Variants in STK10 observed in about 807,000 individuals in gnomAD.
STK10 encodes the protein serine/threonine kinase 10.
STK10 carries 78 observed loss-of-function variants against 113.8 expected under a neutral mutation model. The observed-to-expected ratio is 0.69, with a 90% CI of 0.57 to 0.83. The LOEUF is 0.83. Ranked by LOEUF, STK10 falls within the 40% of genes least tolerant of loss-of-function variation. The pLI is 0.00. For synonymous variants in STK10, 465 were observed against 494.7 expected, an observed-to-expected ratio of 0.94 and a Z score of 0.80; for missense variants, 1,109 against 1,280.1, an observed-to-expected ratio of 0.87 and a Z score of 2.04.
chr5:172,049,515 A>G (rs1197345179), intron 18 of STK10, among the ~76,000 whole-genome samples: 3 of 152,120 alleles, frequency 2.0e-5, no homozygotes, highest in Non-Finnish European at 4.4e-5. Context: ...AAATCTGCTC[A>G]GAGCACAAGT....
chr5:172,086,048 C>A (rs1768551381), intron 10 of STK10, among the ~76,000 whole-genome samples: 1 of 152,222 alleles, frequency 6.6e-6, no homozygotes, highest in Admixed American at 6.5e-5. Flanking sequence ...AGCTTTCCAG[C>A]TGGGTGCCCG....
intron 4 of STK10, among the ~76,000 whole-genome samples, chr5:172,112,758 T>A (rs908471342): frequency 1.3e-5 from 2 of 151,126 alleles, no homozygotes; most frequent in Non-Finnish European, 2.9e-5. Flanking sequence ...TTTATTCTTT[T>A]TTTTTCAGAT....
rs1319961254 is a variant in STK10 at position 172,106,699 on chromosome 5, G to A, written c.709C>T (p.His237Tyr). 6.2e-7 allele frequency: 1 copy of A among 1,614,074 alleles called. No homozygotes were observed. The change falls in exon 6 of 19, where the codon CAC becomes TAC. Residue 237 changes from histidine (H) to tyrosine (Y), a missense_variant. By Grantham distance (83) the His-to-Tyr change is moderately conservative. Transcript: ENST00000176763. ...ACCCGCATGGGGTTGAGCTCGTGGT[G>A]TGGCGGCTCGATCTGGGCCATCTCA... ...LIEMAQIEPP[H>Y]HELNPMRVLL...
At chr5:172,140,277 G>A (rs1426888492) in intron 2 of STK10, among the ~76,000 whole-genome samples, 3 of 152,176 alleles carry the variant, frequency 2.0e-5, no homozygotes, top group Non-Finnish European at 4.4e-5. Context: ...CTATCATCAA[G>A]AAGACAAAAG....
intron 4 of STK10, among the ~76,000 whole-genome samples, chr5:172,108,613 C>CAAA (rs1184891478): frequency 1.5e-5 from 1 of 64,878 alleles, no homozygotes. Flanking sequence ...GAGACTGTCT[C>CAAA]AAAAAAAAAA....
At position 172,096,580 on chromosome 5, in the gene STK10, C is replaced by T. The variant is rs775902830; in HGVS notation, c.871-20G>A. On this transcript the variant is annotated intron_variant, in intron 7 of 18. Coordinates refer to ENST00000176763, the MANE Select transcript of STK10 (RefSeq NM_005990.4). ...GGGATGCTGAGGGGGCAAGATGCAC[C>T]CAGATTAGAACCACTCTGGGGTCAC... The T allele has an allele frequency of 1.1e-5, 17 of 1,611,472 alleles. No homozygotes were observed. The African/African-American group carries it at 1.3e-4, about 13-fold the overall frequency.
chr5:172,177,406 G>T (rs962868087), intron 1 of STK10, among the ~76,000 whole-genome samples: 2 of 152,178 alleles, frequency 1.3e-5, no homozygotes, highest in Non-Finnish European at 2.9e-5. Flanking sequence ...AATGAGCCAC[G>T]CCCCCAAATG....
At chr5:172,057,212 C>T (rs1474658853) in intron 15 of STK10, 137 bp downstream of exon 15, 3 of 1,307,606 alleles carry the variant, frequency 2.3e-6, no homozygotes, top group Admixed American at 2.2e-5. Context: ...GGCCTCACTG[C>T]AGCCAGCCCT....
chr5:172,108,053 G>C, intron 4 of STK10: 1 of 495,126 alleles, frequency 2.0e-6, no homozygotes. Context: ...ACTAACGAGA[G>C]CCTGCACTGG....
At chr5:172,171,057 CT>C (rs1179321386) in intron 1 of STK10, among the ~76,000 whole-genome samples, 1 of 152,248 alleles carries the variant, frequency 6.6e-6, no homozygotes, top group East Asian at 1.9e-4. Context: ...TTCATGAACT[CT>C]GTTTTAGAGA....
intron 10 of STK10, among the ~76,000 whole-genome samples, chr5:172,089,447 TGG>T (rs1768642559): frequency 7.0e-6 from 1 of 143,180 alleles, no homozygotes; most frequent in Non-Finnish European, 1.5e-5. Context: ...GATGGATGGA[TGG>T]TTAGGTAGAT....
intron 3 of STK10, 116 bp from the exon 4 acceptor site, chr5:172,117,746 G>A (rs1408556757): frequency 7.2e-7 from 1 of 1,392,312 alleles, no homozygotes; most frequent in Non-Finnish European, 9.7e-7. Context: ...CAGGCGTGGT[G>A]GCTCACGCCT....
chr5:172,057,560 T>A, intron 14 of STK10, 87 bp from the exon 15 acceptor site: 1 of 1,496,384 alleles, frequency 6.7e-7, no homozygotes, highest in Non-Finnish European at 9.0e-7. Context: ...CCTGGCCTCC[T>A]CATGCTGGAG....
chr5:172,097,067 T>C (rs1332649212), intron 7 of STK10, among the ~76,000 whole-genome samples: 1 of 152,240 alleles, frequency 6.6e-6, no homozygotes, highest in Non-Finnish European at 1.5e-5. Flanking sequence ...AGACAGAGTT[T>C]CACTCTTGTT....
chr5:172,166,746 A>G (rs1444179529), intron 1 of STK10, among the ~76,000 whole-genome samples: 1 of 152,248 alleles, frequency 6.6e-6, no homozygotes, highest in African/African-American at 2.4e-5. Context: ...ATTACTGACA[A>G]GAATAGAAAC....
intron 5 of STK10, 164 bp from the exon 6 acceptor site, chr5:172,106,978 T>A: frequency 6.7e-6 from 4 of 599,884 alleles, no homozygotes; most frequent in African/African-American, 2.0e-5. Flanking sequence ...AGGACGCTCT[T>A]CCACAGAAAA....
Position 172,082,570 on chromosome 5 carries a change from A to G in STK10, c.1810-65T>C, listed in dbSNP as rs1029823805. 1.3e-6 allele frequency: 2 copies of G among 1,507,582 alleles called. No homozygotes were observed. Among genetic ancestry groups the G allele is most frequent in the Admixed American group, 2.2e-5 (1 of 45,066 alleles). The allele number at this position is 1,507,582 out of a possible 1,614,324, so 93.4% of individuals were successfully genotyped here. A position where few individuals can be genotyped will look rare whatever the true frequency, so the allele number is the denominator to read the frequency against. ...CTTTATACCTGGGAGGGACATGGGA[A>G]GTGGAATGGGGAGAACTCAGAGCTT... is the stretch of plus-strand genomic sequence containing the variant. On this transcript the variant is annotated intron_variant, in intron 11 of 18. Coordinates refer to ENST00000176763, the MANE Select transcript of STK10 (RefSeq NM_005990.4). This position sits in a 1 kb window ranked among gnomAD's most constrained non-coding sequence, Gnocchi z 4.3.
intron 12 of STK10, among the ~76,000 whole-genome samples, chr5:172,076,554 C>T (rs1336560029): frequency 6.6e-6 from 1 of 152,136 alleles, no homozygotes. Flanking sequence ...CTGGCTTCTA[C>T]CTGCTCAATG....
At position 172,069,469 on chromosome 5, in the gene STK10, C is replaced by G. The variant is rs150635184; in HGVS notation, c.1990-4657G>C. On this transcript the variant is annotated intron_variant, in intron 12 of 18. Transcript: ENST00000176763. ...GCATTATATAATTATAAAAGGAAGA[C>G]TCAGTTCACTAAGAAAATATGACTA... 8.2e-3 allele frequency among the ~76,000 whole-genome samples: 1,245 copies of G among 152,214 alleles called. 17 individuals carry two copies. Among genetic ancestry groups the G allele is most frequent in the African/African-American group, 0.029 (1,188 of 41,518 alleles).
Sources: gnomAD v4.1 joint callset for allele counts (sites outside exome capture counted in the v4.1 genomes callset) on GRCh38, gnomAD v4.1.1 for gene constraint, Gnocchi (gnomAD v3.1) non-coding constraint, MANE v1.5 for transcripts, NCBI Gene and HGNC (gene_info 2026-07-23, HGNC 2026-07-21) for gene names.